The following DENND4C variants were observed in gnomAD, a reference collection of about 807,000 sequenced individuals.
The protein encoded by DENND4C is DENN domain-containing protein 4C.
DENND4C carries 108 observed loss-of-function variants against 203.0 expected under a neutral mutation model. The observed-to-expected ratio is 0.53, with a 90% CI of 0.46 to 0.62. The LOEUF is 0.62. DENND4C is among the 20% of genes least tolerant of loss of function. The probability of loss-of-function intolerance (pLI) is 0.00; values close to 1 mark genes in which losing one functional copy is unlikely to be tolerated. For synonymous variants in DENND4C, 871 were observed against 792.4 expected, an observed-to-expected ratio of 1.10 and a Z score of -1.67; for missense variants, 2,481 against 2,301.2, an observed-to-expected ratio of 1.08 and a Z score of -1.60.
At chr9:19,261,583 G>T (rs972727312) in intron 1 of DENND4C, among the ~76,000 whole-genome samples, 4 of 151,564 alleles carry the variant, frequency 2.6e-5, no homozygotes, top group Admixed American at 6.6e-5. Flanking sequence ...GCTCACTGCA[G>T]TCTTGACCTC....
intron 31 of DENND4C, among the ~76,000 whole-genome samples, chr9:19,370,724 G>A (rs966275786): frequency 6.6e-6 from 1 of 152,196 alleles, no homozygotes; most frequent in African/African-American, 2.4e-5. Flanking sequence ...GAGTTATTGT[G>A]CTCCTGTCAC....
Position 19,342,779 on chromosome 9 carries a change from G to A in DENND4C, c.3151G>A (p.Gly1051Ser). The A allele has an allele frequency of 1.3e-6, 2 of 1,591,700 alleles. No individual in the cohort carries two copies. The highest frequency in any genetic ancestry group is 1.8e-5 in the Admixed American group (1 of 55,410). ...TGTCAACAGCAGGAAAAGTAGCACT[G>A]GTGAGTCTTTACATTTTGGTTATTA... ...FDVNSRKSST[G>S]SISNVLFSTQ... is the part of the protein sequence containing the mutation. The change falls in exon 22 of 33, where the codon GGT (glycine) becomes AGT (serine). Residue 1051 changes from glycine to serine, a missense_variant and splice_region_variant. Physicochemically the swap from Gly to Ser is moderately conservative, Grantham distance 56. Coordinates refer to ENST00000434457, the MANE Select transcript of DENND4C (RefSeq NM_001330640.2).
At chr9:19,329,176 C>T (rs948545718) in intron 16 of DENND4C, among the ~76,000 whole-genome samples, 5 of 152,168 alleles carry the variant, frequency 3.3e-5, no homozygotes, top group African/African-American at 1.2e-4. Context: ...AGAATATTTT[C>T]ATCAACCCCA....
intron 1 of DENND4C, among the ~76,000 whole-genome samples, chr9:19,240,355 T>G (rs1564076454): frequency 1.3e-5 from 2 of 152,100 alleles, no homozygotes; most frequent in East Asian, 3.9e-4. Flanking sequence ...ATAGAAAAGA[T>G]ACAATAAAAA....
At chr9:19,312,606 G>A (rs1588896205) in intron 10 of DENND4C, among the ~76,000 whole-genome samples, 1 of 152,198 alleles carries the variant, frequency 6.6e-6, no homozygotes, top group African/African-American at 2.4e-5. Context: ...AAGGGTGTGT[G>A]TATGTGTTTT....
At chr9:19,328,538 G>A (rs1473951745) in intron 16 of DENND4C, among the ~76,000 whole-genome samples, 1 of 152,086 alleles carries the variant, frequency 6.6e-6, no homozygotes, top group African/African-American at 2.4e-5. Context: ...GCTTGAACCT[G>A]GGTGATGCAG....
Position 19,249,503 on chromosome 9 carries a change from G to C in DENND4C, c.-18+18670G>C, listed in dbSNP as rs1826048073. Among the ~76,000 whole-genome samples the C allele has an allele frequency of 2.0e-5, 3 of 151,548 alleles. No individual in the cohort carries two copies. In the South Asian group the frequency reaches 6.3e-4, roughly 32 times the overall value. ...GCTCCTGATCTCAAGTGATCCACCT[G>C]CCTCGGCCTCCCAAAGTGCTGGGAT... On this transcript the variant is annotated intron_variant, in intron 1 of 32. Coordinates refer to ENST00000434457, the MANE Select transcript of DENND4C (RefSeq NM_001330640.2).
intron 10 of DENND4C, among the ~76,000 whole-genome samples, chr9:19,309,332 G>A (rs1840306928): frequency 6.6e-6 from 1 of 151,446 alleles, no homozygotes; most frequent in Non-Finnish European, 1.5e-5. Context: ...TGAGGCAGGA[G>A]AATTGCTTGA....
intron 9 of DENND4C, among the ~76,000 whole-genome samples, chr9:19,304,078 A>G (rs1249402026): frequency 3.3e-5 from 5 of 150,416 alleles, no homozygotes; most frequent in African/African-American, 1.2e-4. Flanking sequence ...AAATGATGCA[A>G]TTGAAGTAAA....
chr9:19,340,563 C>A (rs1191547009), intron 20 of DENND4C, among the ~76,000 whole-genome samples: 1 of 152,034 alleles, frequency 6.6e-6, no homozygotes, highest in Non-Finnish European at 1.5e-5. Flanking sequence ...CCTCTTTATT[C>A]ATTGTATCTT....
At chr9:19,281,919 T>TA (rs1255464828) in intron 2 of DENND4C, among the ~76,000 whole-genome samples, 1 of 152,190 alleles carries the variant, frequency 6.6e-6, no homozygotes, top group African/African-American at 2.4e-5. Flanking sequence ...AAATCTGGCA[T>TA]AAAAAATAAG....
chr9:19,304,633 T>C (rs1417564888), intron 9 of DENND4C, among the ~76,000 whole-genome samples: 1 of 151,364 alleles, frequency 6.6e-6, no homozygotes, highest in Non-Finnish European at 1.5e-5. Context: ...ACCTCCCAGA[T>C]TCACGCCATT....
chr9:19,263,938 G>C (rs764747575), intron 1 of DENND4C, among the ~76,000 whole-genome samples: 89 of 152,146 alleles, frequency 5.8e-4, no homozygotes, highest in Admixed American at 2.9e-3. Flanking sequence ...GGAATTACAG[G>C]TGTGAGCCAC....
intron 1 of DENND4C, among the ~76,000 whole-genome samples, chr9:19,234,540 T>G (rs1434054942): frequency 1.3e-5 from 2 of 149,218 alleles, no homozygotes; most frequent in East Asian, 2.0e-4. Context: ...GTTTTTTTTT[T>G]TTTTTTTTTT....
At chr9:19,326,599 A>G (rs1236216283) in intron 15 of DENND4C, among the ~76,000 whole-genome samples, 1 of 152,130 alleles carries the variant, frequency 6.6e-6, no homozygotes, top group Non-Finnish European at 1.5e-5. Flanking sequence ...TAGGATTTGG[A>G]TGTGACTCTT....
chr9:19,361,006 T>C (rs1826362604), intron 29 of DENND4C, among the ~76,000 whole-genome samples: 1 of 152,156 alleles, frequency 6.6e-6, no homozygotes, highest in South Asian at 2.1e-4. Flanking sequence ...CCCGAGTAGC[T>C]GGGATTACAG....
At chr9:19,289,005 G>GT (rs1835753595) in intron 4 of DENND4C, among the ~76,000 whole-genome samples, 1 of 152,164 alleles carries the variant, frequency 6.6e-6, no homozygotes. Context: ...AATCAGAAAG[G>GT]TGTCAAACTG....
At chr9:19,297,233 A>C (rs145798652) in intron 6 of DENND4C, among the ~76,000 whole-genome samples, 1 of 152,318 alleles carries the variant, frequency 6.6e-6, no homozygotes, top group East Asian at 1.9e-4. Flanking sequence ...ATATCAGTGA[A>C]ACATACTAGT....
At chr9:19,299,351 A>C (rs1838089763) in intron 8 of DENND4C, 64 bp downstream of exon 8, 1 of 1,130,614 alleles carries the variant, frequency 8.8e-7, no homozygotes, top group South Asian at 1.6e-5. Flanking sequence ...AAAATATTTT[A>C]GTGATTAGTA....
Sources: gnomAD v4.1 joint callset for allele counts (sites outside exome capture counted in the v4.1 genomes callset) on GRCh38, gnomAD v4.1.1 for gene constraint, MANE v1.5 for transcripts, NCBI Gene and HGNC (gene_info 2026-07-23, HGNC 2026-07-21) for gene names.